The following SETD2 variants were observed in gnomAD, a reference collection of about 807,000 sequenced individuals.
SETD2 encodes histone-lysine N-methyltransferase SETD2.
In SETD2, 31 loss-of-function variants were observed where a neutral mutation model predicts 242.1. That is an observed-to-expected ratio of 0.13 (90% CI 0.10 to 0.17). The LOEUF is 0.17. Among genes scored for constraint, SETD2 ranks in the 10% least tolerant of loss-of-function variants. The probability of loss-of-function intolerance (pLI) is 1.00; values close to 1 mark genes in which losing one functional copy is unlikely to be tolerated. For synonymous variants in SETD2, 1,006 were observed against 1,066.5 expected (o/e 0.94, Z 1.11); for missense variants, 2,481 against 3,046.3 (o/e 0.81, Z 4.37).
chr3:47,120,714 G>C lies in SETD2; in HGVS notation c.3922C>G (p.Pro1308Ala), dbSNP rs2107745099. The C allele has an allele frequency of 6.2e-7, 1 of 1,614,120 alleles. No homozygotes were observed. Among genetic ancestry groups the C allele is most frequent in the African/African-American group, 1.3e-5 (1 of 75,040 alleles). Residue 1308 changes from proline to alanine, a missense_variant, in exon 3 of 21, where the codon CCA (proline) becomes GCA (alanine). Coordinates refer to ENST00000409792, the MANE Select transcript of SETD2 (RefSeq NM_014159.7). Reference protein sequence around the residue: ...DYWQGNGYWDPRSGRPPGTGV... With the variant: ...DYWQGNGYWDARSGRPPGTGV... ...GTTCCAGGAGGTCTACCTGATCTTG[G>C]ATCCCAGTAACCATTGCCTTGCCAG...
intron 1 of SETD2, among the ~76,000 whole-genome samples, chr3:47,148,545 A>G (rs534513689): frequency 6.6e-6 from 1 of 152,312 alleles, no homozygotes; most frequent in South Asian, 2.1e-4. Flanking sequence ...AGTATTCTCC[A>G]ATTTTTTATA....
At chr3:47,111,661 G>A (rs368051294) in intron 5 of SETD2, among the ~76,000 whole-genome samples, 2 of 151,838 alleles carry the variant, frequency 1.3e-5, no homozygotes, top group East Asian at 3.9e-4. Flanking sequence ...GTTCCTACTA[G>A]CCCCCTTTTT....
intron 15 of SETD2, among the ~76,000 whole-genome samples, chr3:47,048,597 C>A (rs1310053326): frequency 1.3e-5 from 2 of 152,076 alleles, no homozygotes; most frequent in Non-Finnish European, 2.9e-5. Flanking sequence ...CTTACTATAA[C>A]TTTTTTACTT....
chr3:47,161,556 C>T (rs1697489052), intron 1 of SETD2, among the ~76,000 whole-genome samples: 1 of 152,062 alleles, frequency 6.6e-6, no homozygotes, highest in Non-Finnish European at 1.5e-5. Flanking sequence ...TGATCCCCTC[C>T]AGTCTTTATA....
chr3:47,100,035 C>T (rs2042149951), intron 8 of SETD2, among the ~76,000 whole-genome samples: 1 of 151,354 alleles, frequency 6.6e-6, no homozygotes, highest in South Asian at 2.1e-4. Flanking sequence ...TGCAGTAGCA[C>T]GATCTCAAGT....
chr3:47,122,364 C>G lies in SETD2; in HGVS notation c.2272G>C (p.Asp758His), dbSNP rs778626356. 1.2e-6 allele frequency: 2 copies of G among 1,614,130 alleles called. No individual in the cohort carries two copies. The highest frequency in any genetic ancestry group is 1.6e-4 in the Middle Eastern group (1 of 6,062). ...ETEPLVSPHQDKLMSMPVMTV... is the reference protein window; with the variant it reads ...ETEPLVSPHQHKLMSMPVMTV... ...ATAACTGGCATAGACATGAGTTTAT[C>G]TTGGTGTGGTGACACCAGAGGTTCT... The change falls in exon 3 of 21, where the codon GAT becomes CAT. Residue 758 changes from aspartate (D) to histidine (H), a missense_variant. Physicochemically the swap from Asp to His is moderately conservative, Grantham distance 81 (BLOSUM62 -1). Coordinates refer to ENST00000409792, the MANE Select transcript of SETD2 (RefSeq NM_014159.7).
chr3:47,131,889 T>C (rs1005208841), intron 1 of SETD2, among the ~76,000 whole-genome samples: 2 of 151,808 alleles, frequency 1.3e-5, no homozygotes, highest in African/African-American at 4.8e-5. Context: ...GCAATTCTCC[T>C]GCCTCAGCCT....
intron 12 of SETD2, among the ~76,000 whole-genome samples, chr3:47,076,802 A>G (rs2041098414): frequency 6.6e-6 from 1 of 152,274 alleles, no homozygotes; most frequent in Admixed American, 6.5e-5. Flanking sequence ...GATGTGCCTC[A>G]TGCACTGAGT....
chr3:47,040,943 G>A (rs766367009), intron 17 of SETD2, among the ~76,000 whole-genome samples: 2 of 152,092 alleles, frequency 1.3e-5, no homozygotes, highest in Non-Finnish European at 2.9e-5. Context: ...ATGGTAAGCT[G>A]ACAATATTTC....
intron 16 of SETD2, among the ~76,000 whole-genome samples, chr3:47,044,417 C>T (rs548857967): frequency 7.6e-6 from 1 of 130,884 alleles, no homozygotes; most frequent in South Asian, 2.7e-4. Flanking sequence ...GTAACAAGCA[C>T]TCAAACATCT....
chr3:47,042,517 T>C (rs2107538849), intron 17 of SETD2, 44 bp downstream of exon 17: 1 of 1,607,818 alleles, frequency 6.2e-7, no homozygotes, highest in Non-Finnish European at 8.5e-7. Flanking sequence ...ACTTCTTTGA[T>C]TAAGTAAAAG....
chr3:47,116,889 G>C (rs959546457), intron 3 of SETD2, 135 bp from the exon 4 acceptor site: 2 of 614,114 alleles, frequency 3.3e-6, no homozygotes, highest in Non-Finnish European at 5.4e-6. Context: ...TGTCACCCAG[G>C]CCAGGGTGCA....
rs979958382 is a variant in SETD2, at chr3:47,028,012, TG to T, written c.7351-8173del. ...GGTTTCACTGTGTTAGCCAGGATGC[TG>T]GTTTTTTTGTTTTGTTTTGTTTTTA... is the stretch of plus-strand genomic sequence containing the variant. On this transcript the variant is annotated intron_variant, in intron 18 of 20. Coordinates refer to ENST00000409792, the MANE Select transcript of SETD2 (RefSeq NM_014159.7). Among the ~76,000 whole-genome samples, 37 of 152,238 alleles carry T rather than the reference TG, an allele frequency of 2.4e-4. 1 individual carries two copies. The Middle Eastern group carries it at 0.01, about 42-fold the overall frequency.
Position 47,126,659 on chromosome 3 carries a change from C to T in SETD2, c.76G>A (p.Glu26Lys). 2 of 1,340,754 alleles carry T rather than the reference C, an allele frequency of 1.5e-6. No homozygotes were observed. The highest frequency in any genetic ancestry group is 1.0e-6 in the Non-Finnish European group (1 of 959,840). 83.1% of individuals were successfully genotyped at this position (1,340,754 alleles called of 1,614,324 possible). A position where few individuals can be genotyped will look rare whatever the true frequency, so the allele number is the denominator to read the frequency against. Reference protein sequence around the residue: ...YDPEHPTPEEEENEAKIENVQ... With the variant: ...YDPEHPTPEEKENEAKIENVQ... ...TAAATTATACTTACCTCATTTTCTT[C>T]TTCTCTATTTCCATTCAGCCAAGAA... The change falls in exon 2 of 21, where the codon GAA becomes AAA. Residue 26 changes from glutamate (E) to lysine (K), a missense_variant. Coordinates refer to ENST00000409792, the MANE Select transcript of SETD2 (RefSeq NM_014159.7).
intron 5 of SETD2, among the ~76,000 whole-genome samples, chr3:47,112,540 C>A (rs564826395): frequency 1.2e-4 from 18 of 152,068 alleles, no homozygotes; most frequent in African/African-American, 3.9e-4. Flanking sequence ...CCTCGGCCTC[C>A]CAAAGTGCTG....
intron 18 of SETD2, among the ~76,000 whole-genome samples, chr3:47,024,059 C>G (rs1453649855): frequency 6.6e-6 from 1 of 152,132 alleles, no homozygotes; most frequent in African/African-American, 2.4e-5. Context: ...TTTTATATAG[C>G]CTGGATGTGG....
intron 7 of SETD2, among the ~76,000 whole-genome samples, chr3:47,103,072 T>C (rs1265753980): frequency 2.6e-5 from 4 of 152,212 alleles, no homozygotes; most frequent in Non-Finnish European, 4.4e-5. Flanking sequence ...TATTACTTAA[T>C]AGCATTCTCT....
At chr3:47,140,097 TA>T (rs966559947) in intron 1 of SETD2, among the ~76,000 whole-genome samples, 1 of 152,198 alleles carries the variant, frequency 6.6e-6, no homozygotes, top group Non-Finnish European at 1.5e-5. Context: ...TTATTTTCTT[TA>T]AAAAAGTCAC....
At chr3:47,158,880 T>C (rs1395986007) in intron 1 of SETD2, among the ~76,000 whole-genome samples, 1 of 152,224 alleles carries the variant, frequency 6.6e-6, no homozygotes, top group Non-Finnish European at 1.5e-5. Context: ...TGCTAACTTC[T>C]AGTCAGAGGT....
Sources: gnomAD v4.1 joint callset for allele counts (sites outside exome capture counted in the v4.1 genomes callset) on GRCh38, gnomAD v4.1.1 for gene constraint, MANE v1.5 for transcripts, NCBI Gene and HGNC (gene_info 2026-07-23, HGNC 2026-07-21) for gene names.